IGF1R: variants seen among roughly 807,000 people sequenced by gnomAD.
IGF1R encodes insulin like growth factor 1 receptor.
A neutral mutation model predicts 144.6 loss-of-function variants in IGF1R; 44 were observed. The ratio of observed to expected loss-of-function variants is 0.30; its 90% CI spans 0.24 to 0.39. The LOEUF is 0.39. Among genes scored for constraint, IGF1R ranks in the 10% least tolerant of loss-of-function variants. The probability of loss-of-function intolerance (pLI) is 1.00; values close to 1 mark genes in which losing one functional copy is unlikely to be tolerated. For missense variants in IGF1R, 1,355 were observed against 1,833.7 expected, an observed-to-expected ratio of 0.74 and a Z score of 4.77; for synonymous variants, 795 against 722.8, an observed-to-expected ratio of 1.10 and a Z score of -1.60.
At chr15:98,843,170 T>C (rs1328070052) in intron 2 of IGF1R, among the ~76,000 whole-genome samples, 2 of 152,268 alleles carry the variant, frequency 1.3e-5, no homozygotes, top group East Asian at 3.8e-4. Context: ...CAACCTGCTG[T>C]GCTACAATCC....
rs530265979 is a variant in IGF1R, at chr15:98,817,494, C to T, written c.641-73831C>T. ...GGTGTGGTTGAGGGGTGCTGTATTA[C>T]GCTGGGTAGTCATTGAGGCCTCTGT... On this transcript the variant is annotated intron_variant, in intron 2 of 20. Coordinates refer to ENST00000650285, the MANE Select transcript of IGF1R (RefSeq NM_000875.5). Among the ~76,000 whole-genome samples, 18 of 151,856 alleles carry T rather than the reference C, an allele frequency of 1.2e-4. 1 individual carries two copies. Among genetic ancestry groups the T allele is most frequent in the Admixed American group, 2.0e-4 (3 of 15,234 alleles).
At chr15:98,655,200 CAAGTT>C (rs1410367030) in intron 1 of IGF1R, among the ~76,000 whole-genome samples, 1 of 148,830 alleles carries the variant, frequency 6.7e-6, no homozygotes, top group Non-Finnish European at 1.5e-5. Context: ...ATCTTTAAAA[CAAGTT>C]AGATTGTTAT....
At chr15:98,733,256 C>A (rs1447743553) in intron 2 of IGF1R, among the ~76,000 whole-genome samples, 3 of 152,118 alleles carry the variant, frequency 2.0e-5, no homozygotes, top group Non-Finnish European at 2.9e-5. Flanking sequence ...CTCTGTTGCC[C>A]AGGCTGGAGT....
At chr15:98,736,470 A>G (rs2054610766) in intron 2 of IGF1R, among the ~76,000 whole-genome samples, 2 of 152,166 alleles carry the variant, frequency 1.3e-5, no homozygotes, top group South Asian at 4.2e-4. Flanking sequence ...GGCAGTCAGC[A>G]TTAGATGCTG....
chr15:98,883,723 A>C (rs2013496220), intron 2 of IGF1R, among the ~76,000 whole-genome samples: 1 of 152,150 alleles, frequency 6.6e-6, no homozygotes, highest in Non-Finnish European at 1.5e-5. Context: ...GGGTTCCCTG[A>C]GTCCCTCTGC....
At chr15:98,681,253 C>T (rs1377896938) in intron 1 of IGF1R, among the ~76,000 whole-genome samples, 3 of 152,176 alleles carry the variant, frequency 2.0e-5, no homozygotes, top group Non-Finnish European at 2.9e-5. Context: ...TTGAGGGCGG[C>T]TGCACTACTT....
At chr15:98,757,482 CTT>C (rs2055183533) in intron 2 of IGF1R, among the ~76,000 whole-genome samples, 3 of 152,138 alleles carry the variant, frequency 2.0e-5, no homozygotes, top group South Asian at 2.1e-4. Flanking sequence ...AATTTTTAAA[CTT>C]TTCATATTTC....
At chr15:98,725,398 T>C (rs1343263862) in intron 2 of IGF1R, among the ~76,000 whole-genome samples, 1 of 152,216 alleles carries the variant, frequency 6.6e-6, no homozygotes, top group Non-Finnish European at 1.5e-5. Context: ...TTTTTTCCCC[T>C]AATCTGTGGT....
chr15:98,826,014 C>A (rs2056888974), intron 2 of IGF1R, among the ~76,000 whole-genome samples: 1 of 152,162 alleles, frequency 6.6e-6, no homozygotes. Flanking sequence ...CTCCACCTCT[C>A]AGGAAAGTTG....
intron 2 of IGF1R, among the ~76,000 whole-genome samples, chr15:98,809,172 C>T (rs557085509): frequency 5.3e-5 from 8 of 152,306 alleles, no homozygotes; most frequent in South Asian, 4.1e-4. Context: ...GGCACCCTGC[C>T]GTGACCCTGA....
chr15:98,684,721 A>G (rs140933258), intron 1 of IGF1R, among the ~76,000 whole-genome samples: 320 of 152,244 alleles, frequency 2.1e-3, no homozygotes, highest in African/African-American at 7.3e-3. Context: ...GGAGAAAGGC[A>G]GTCATCGGGA....
At chr15:98,848,174 AC>A (rs1194884560) in intron 2 of IGF1R, among the ~76,000 whole-genome samples, 1 of 152,090 alleles carries the variant, frequency 6.6e-6, no homozygotes, top group Non-Finnish European at 1.5e-5. Flanking sequence ...TCAAGTTGGA[AC>A]CTCTAGGTTT....
intron 2 of IGF1R, among the ~76,000 whole-genome samples, chr15:98,741,235 C>CT (rs540942858): frequency 0.021 from 1,491 of 70,318 alleles, 178 homozygotes; most frequent in African/African-American, 0.07. Flanking sequence ...TTTTCCTGAG[C>CT]TTTTTTTTTT....
intron 13 of IGF1R, among the ~76,000 whole-genome samples, chr15:98,925,807 G>A (rs1302250360): frequency 6.6e-6 from 1 of 152,172 alleles, no homozygotes; most frequent in Non-Finnish European, 1.5e-5. Flanking sequence ...GGGAGGTTGA[G>A]GCAAGAGAAT....
rs192783631 is a variant in IGF1R, at chr15:98,839,828, A to G, written c.641-51497A>G. Among the ~76,000 whole-genome samples the G allele has an allele frequency of 3.3e-3, 497 of 152,312 alleles. 3 individuals are homozygous for G. Among genetic ancestry groups the G allele is most frequent in the African/African-American group, 0.011 (458 of 41,582 alleles). ...ATAGATGCCAAGTCATCTGTGGTAT[A>G]GATGTGGATGTCTTTGTTCAAATGG... On this transcript the variant is annotated intron_variant, in intron 2 of 20. Transcript: ENST00000650285.
chr15:98,930,457 T>A, intron 15 of IGF1R, 152 bp downstream of exon 15: 1 of 253,738 alleles, frequency 3.9e-6, no homozygotes. Flanking sequence ...TCTTTCTTTC[T>A]TTTTTTTTTT....
chr15:98,729,276 T>G (rs1259337796), intron 2 of IGF1R, among the ~76,000 whole-genome samples: 1 of 152,238 alleles, frequency 6.6e-6, no homozygotes, highest in East Asian at 1.9e-4. Context: ...GGGCTTAATT[T>G]AAAAAGAGCA....
At chr15:98,773,599 C>A (rs1160504342) in intron 2 of IGF1R, among the ~76,000 whole-genome samples, 1 of 152,172 alleles carries the variant, frequency 6.6e-6, no homozygotes, top group African/African-American at 2.4e-5. Flanking sequence ...ATCTGCACTG[C>A]ATAGCAGCCA....
chr15:98,936,596 G>C lies in IGF1R; in HGVS notation c.3297+1170G>C, dbSNP rs555816209. On this transcript the variant is annotated intron_variant, in intron 17 of 20. Coordinates refer to ENST00000650285, the MANE Select transcript of IGF1R (RefSeq NM_000875.5). The stretch of plus-strand genomic sequence containing the variant: ...CGGCCCCTTTGGAAATTCTTTTGCT[G>C]TTCTTCATTTGGGCTTAATTTTTTT... Among the ~76,000 whole-genome samples the C allele has an allele frequency of 4.0e-5, 6 of 149,008 alleles. No homozygotes were observed. In the East Asian group the frequency reaches 1.2e-3, roughly 30 times the overall value.
Sources: gnomAD v4.1 joint callset for allele counts (sites outside exome capture counted in the v4.1 genomes callset) on GRCh38, gnomAD v4.1.1 for gene constraint, MANE v1.5 for transcripts, NCBI Gene and HGNC (gene_info 2026-07-23, HGNC 2026-07-21) for gene names.